KCNMA1: variants seen among roughly 807,000 people sequenced by gnomAD.
The protein encoded by KCNMA1 is Calcium-activated potassium channel subunit alpha-1.
Under a neutral mutation model 140.0 loss-of-function variants are expected in KCNMA1, and 29 were observed. The observed-to-expected ratio is 0.21, with a 90% confidence interval of 0.15 to 0.28. The LOEUF is 0.28. Ranked by LOEUF, KCNMA1 falls within the 10% of genes least tolerant of loss-of-function variation. The pLI is 1.00. For missense variants in KCNMA1, 880 were observed against 1,602.2 expected, an observed-to-expected ratio of 0.55 and a Z score of 7.70; for synonymous variants, 612 against 611.9, an observed-to-expected ratio of 1.00 and a Z score of 0.00.
intron 14 of KCNMA1, among the ~76,000 whole-genome samples, chr10:77,064,782 G>C (rs1364039344): frequency 4.6e-5 from 7 of 152,044 alleles, no homozygotes; most frequent in Non-Finnish European, 8.8e-5. Flanking sequence ...AGGATACTGG[G>C]GTTTAGCAAA....
intron 1 of KCNMA1, among the ~76,000 whole-genome samples, chr10:77,512,460 A>C (rs939828154): frequency 6.6e-6 from 1 of 152,166 alleles, no homozygotes; most frequent in African/African-American, 2.4e-5. Flanking sequence ...CACTGTACCT[A>C]ATTTATAAAT....
chr10:77,559,485 C>G (rs2065643233), intron 1 of KCNMA1, among the ~76,000 whole-genome samples: 2 of 152,184 alleles, frequency 1.3e-5, no homozygotes, highest in Non-Finnish European at 2.9e-5. Context: ...CCAAACACCT[C>G]ACTAGTAGAA....
chr10:76,882,219 C>T (rs555838976), downstream of KCNMA1, among the ~76,000 whole-genome samples: 4 of 152,266 alleles, frequency 2.6e-5, no homozygotes, highest in African/African-American at 9.6e-5. Flanking sequence ...CACAGTACTC[C>T]CTTGAGAAGA....
chr10:77,433,199 C>A (rs1476323954), intron 1 of KCNMA1, among the ~76,000 whole-genome samples: 1 of 152,158 alleles, frequency 6.6e-6, no homozygotes, highest in Non-Finnish European at 1.5e-5. Context: ...GTTACCCAGG[C>A]TGGAGTGCAA....
At chr10:77,086,725 G>A in intron 10 of KCNMA1, 132 bp from the exon 11 acceptor site, 1 of 712,440 alleles carries the variant, frequency 1.4e-6, no homozygotes, top group South Asian at 1.5e-5. Context: ...CCTTTTGCTT[G>A]CCATAAATAA....
chr10:77,039,883 C>CTTTTTTTTTTTTTTTTTTTT lies in KCNMA1; in HGVS notation c.1750-266_1750-247dup, dbSNP rs34943268. ...TCTTTCCTTTTTCTTTTTTCTTTTT[C>CTTTTTTTTTTTTTTTTTTTT]TTTTTTTTTTTTTTTTTTTTTTTGA... On this transcript the variant is annotated intron_variant, in intron 14 of 27. Transcript: ENST00000286628. Among the ~76,000 whole-genome samples the CTTTTTTTTTTTTTTTTTTTT allele has an allele frequency of 1.3e-3, 103 of 78,968 alleles. 6 individuals are homozygous for CTTTTTTTTTTTTTTTTTTTT. Among genetic ancestry groups the CTTTTTTTTTTTTTTTTTTTT allele is most frequent in the Non-Finnish European group, 1.5e-3 (68 of 45,734 alleles). 51.8% of individuals were successfully genotyped at this position (78,968 alleles called of 152,430 possible).
chr10:76,925,169 A>G (rs144360644), intron 23 of KCNMA1, among the ~76,000 whole-genome samples: 8 of 152,362 alleles, frequency 5.3e-5, no homozygotes, highest in African/African-American at 1.9e-4. Flanking sequence ...ATTACTACAT[A>G]TTAATGTTTA....
At chr10:77,170,335 T>C (rs1358774694) in intron 5 of KCNMA1, among the ~76,000 whole-genome samples, 1 of 152,118 alleles carries the variant, frequency 6.6e-6, no homozygotes, top group Non-Finnish European at 1.5e-5. Context: ...GAAAGAAGAT[T>C]TGTTCAAATA....
chr10:77,186,548 A>G (rs188300358), intron 3 of KCNMA1, among the ~76,000 whole-genome samples: 1 of 152,192 alleles, frequency 6.6e-6, no homozygotes, highest in African/African-American at 2.4e-5. Context: ...ATTTCGATGA[A>G]AAAAGGAAAA....
intron 1 of KCNMA1, among the ~76,000 whole-genome samples, chr10:77,421,691 C>T (rs1473899900): frequency 6.6e-6 from 1 of 152,196 alleles, no homozygotes; most frequent in East Asian, 1.9e-4. Context: ...AATGTGAAAA[C>T]CATTCTTAGC....
At chr10:77,043,557 G>A (rs934799473) in intron 14 of KCNMA1, among the ~76,000 whole-genome samples, 1 of 152,172 alleles carries the variant, frequency 6.6e-6, no homozygotes, top group Non-Finnish European at 1.5e-5. Flanking sequence ...GCTCACAGCA[G>A]CATTAGTCAT....
In KCNMA1 at chr10:77,052,526, C is replaced by G. The variant is rs938973945; in HGVS notation, c.1750-12889G>C. Among the ~76,000 whole-genome samples the G allele has an allele frequency of 4.6e-5, 7 of 151,426 alleles. No homozygotes were observed. In the East Asian group the frequency reaches 1.2e-3, roughly 25 times the overall value. On this transcript the variant is annotated intron_variant, in intron 14 of 27. Coordinates refer to ENST00000286628, the MANE Select transcript of KCNMA1 (RefSeq NM_001161352.2). ...CTATTCGTACCTGTCGTTCTCCTTC[C>G]TATCAAATGGCTTTGCTACTCACTT... is the stretch of plus-strand genomic sequence containing the variant.
Position 77,227,406 on chromosome 10 carries a change from A to G in KCNMA1, c.602+23789T>C, listed in dbSNP as rs16934377. 3.5e-3 allele frequency among the ~76,000 whole-genome samples: 538 copies of G among 152,308 alleles called. 12 individuals are homozygous for G. The highest frequency in any genetic ancestry group is 0.019 in the Admixed American group (287 of 15,300). On this transcript the variant is annotated intron_variant, in intron 3 of 27. Transcript: ENST00000286628. ...CAGAAGGTACTGCCAGATGCAAATT[A>G]TGACATCAATGCTATACTCCCTGGG...
chr10:77,315,270 T>G lies in KCNMA1; in HGVS notation c.541-64014A>C, dbSNP rs899768832. On this transcript the variant is annotated intron_variant, in intron 2 of 27. Coordinates refer to ENST00000286628, the MANE Select transcript of KCNMA1 (RefSeq NM_001161352.2). Reference sequence around the variant, plus strand: ...TTAGTGAGCTGCAGCCAGGCTGTTTTGGGGACTCACAAAGGAATGGTCACA... The same window carrying G: ...TTAGTGAGCTGCAGCCAGGCTGTTTGGGGGACTCACAAAGGAATGGTCACA... Among the ~76,000 whole-genome samples, 3 of 152,206 alleles carry G rather than the reference T, an allele frequency of 2.0e-5. No homozygotes were observed. The South Asian group carries it at 6.2e-4, about 31-fold the overall frequency.
At chr10:77,264,301 T>C (rs2062825544) in intron 2 of KCNMA1, among the ~76,000 whole-genome samples, 1 of 152,016 alleles carries the variant, frequency 6.6e-6, no homozygotes, top group East Asian at 1.9e-4. Flanking sequence ...AGATAAACAG[T>C]CAGAAAACCA....
chr10:77,291,736 GGAA>G (rs1180943053), intron 2 of KCNMA1, among the ~76,000 whole-genome samples: 5 of 152,182 alleles, frequency 3.3e-5, no homozygotes. Context: ...AGCGTCTGGG[GGAA>G]AAGGAGTGAA....
chr10:76,949,527 G>T, intron 21 of KCNMA1, 161 bp from the exon 22 acceptor site: 2 of 685,322 alleles, frequency 2.9e-6, no homozygotes, highest in Non-Finnish European at 2.6e-6. Flanking sequence ...ATGCCATATA[G>T]AGCTATAATT....
At chr10:77,102,243 C>G (rs890505143) in intron 9 of KCNMA1, among the ~76,000 whole-genome samples, 4 of 152,174 alleles carry the variant, frequency 2.6e-5, no homozygotes, top group African/African-American at 9.7e-5. Context: ...GATCCATGCT[C>G]TGGCACACTA....
chr10:77,429,447 C>A (rs549388522), intron 1 of KCNMA1, among the ~76,000 whole-genome samples: 1 of 152,182 alleles, frequency 6.6e-6, no homozygotes, highest in Non-Finnish European at 1.5e-5. Flanking sequence ...CATGGCCAAA[C>A]GTCCCCTCGA....
Sources: gnomAD v4.1 joint callset for allele counts (sites outside exome capture counted in the v4.1 genomes callset) on GRCh38, gnomAD v4.1.1 for gene constraint, MANE v1.5 for transcripts, NCBI Gene and HGNC (gene_info 2026-07-23, HGNC 2026-07-21) for gene names.